The following CYYR1 variants were observed in gnomAD, a reference collection of about 807,000 sequenced individuals.
The protein encoded by CYYR1 is cysteine and tyrosine rich 1.
A neutral mutation model predicts 15.2 loss-of-function variants in CYYR1; 14 were observed. That is an observed-to-expected ratio of 0.92 (90% CI 0.61 to 1.44). The LOEUF (loss-of-function observed/expected upper bound fraction) is 1.44. Ranked by LOEUF, CYYR1 falls within the 40% of genes most tolerant of loss-of-function variation. The pLI is 0.00. For missense variants in CYYR1, 228 were observed against 209.5 expected, an observed-to-expected ratio of 1.09 and a Z score of -0.54; for synonymous variants, 80 against 77.4, an observed-to-expected ratio of 1.03 and a Z score of -0.18.
intron 2 of CYYR1, among the ~76,000 whole-genome samples, chr21:26,482,983 A>AT (rs1569141586): frequency 1.3e-5 from 2 of 151,934 alleles, no homozygotes; most frequent in East Asian, 3.9e-4. Flanking sequence ...TACAATGTTA[A>AT]TTTTTTCTTC....
intron 2 of CYYR1, among the ~76,000 whole-genome samples, chr21:26,549,148 A>ATC (rs1423552004): frequency 6.6e-6 from 1 of 152,176 alleles, no homozygotes; most frequent in Non-Finnish European, 1.5e-5. Context: ...AATCTGAAAA[A>ATC]TAGAGCAGGT....
chr21:26,539,265 A>G (rs748465516), intron 2 of CYYR1, among the ~76,000 whole-genome samples: 10 of 152,168 alleles, frequency 6.6e-5, no homozygotes, highest in Non-Finnish European at 1.2e-4. Context: ...CAGTTCACCC[A>G]TCTCCAACCT....
At chr21:26,469,504 T>G (rs1175813081) in intron 3 of CYYR1, among the ~76,000 whole-genome samples, 1 of 152,212 alleles carries the variant, frequency 6.6e-6, no homozygotes, top group Non-Finnish European at 1.5e-5. Flanking sequence ...TTTTTTGAAT[T>G]GACAAATAAT....
chr21:26,557,029 G>C (rs1274560020), intron 2 of CYYR1, among the ~76,000 whole-genome samples: 1 of 152,112 alleles, frequency 6.6e-6, no homozygotes, highest in Admixed American at 6.6e-5. Flanking sequence ...AACAGGCCAA[G>C]TATGTCTCAT....
intron 2 of CYYR1, among the ~76,000 whole-genome samples, chr21:26,529,558 A>T (rs2065905395): frequency 6.6e-6 from 1 of 152,176 alleles, no homozygotes; most frequent in Non-Finnish European, 1.5e-5. Context: ...ATCCAGCAGC[A>T]CTCATTAGCA....
intron 2 of CYYR1, among the ~76,000 whole-genome samples, chr21:26,521,178 T>C (rs992761483): frequency 1.3e-5 from 2 of 152,202 alleles, no homozygotes; most frequent in African/African-American, 4.8e-5. Flanking sequence ...ATCCTGCACA[T>C]GTATCTTGGA....
intron 3 of CYYR1, among the ~76,000 whole-genome samples, chr21:26,472,691 A>T (rs566612248): frequency 4.6e-5 from 7 of 152,126 alleles, no homozygotes; most frequent in Admixed American, 4.6e-4. Context: ...AGTGCACAAA[A>T]TTATATATCT....
intron 2 of CYYR1, among the ~76,000 whole-genome samples, chr21:26,527,439 G>A (rs1193372389): frequency 6.6e-6 from 1 of 152,074 alleles, no homozygotes; most frequent in Non-Finnish European, 1.5e-5. Flanking sequence ...CTTATTGAGT[G>A]CTGTACAAAC....
intron 2 of CYYR1, among the ~76,000 whole-genome samples, chr21:26,525,023 G>A (rs148654451): frequency 1.5e-4 from 23 of 152,190 alleles, no homozygotes; most frequent in African/African-American, 5.3e-4. Context: ...CATTCCCTCC[G>A]TCATCCCCTT....
chr21:26,499,127 A>G (rs781604968), intron 2 of CYYR1, among the ~76,000 whole-genome samples: 2 of 152,232 alleles, frequency 1.3e-5, no homozygotes, highest in Non-Finnish European at 2.9e-5. Flanking sequence ...AATGGTCTCC[A>G]AAAAGATATG....
At chr21:26,469,837 C>T (rs578077913) in intron 3 of CYYR1, among the ~76,000 whole-genome samples, 19 of 152,224 alleles carry the variant, frequency 1.2e-4, no homozygotes, top group Admixed American at 3.9e-4. Flanking sequence ...TTTATGATGA[C>T]TATACATAAA....
intron 2 of CYYR1, among the ~76,000 whole-genome samples, chr21:26,489,478 C>G (rs1459679583): frequency 1.3e-5 from 2 of 151,902 alleles, no homozygotes; most frequent in Non-Finnish European, 2.9e-5. Flanking sequence ...GAGTCGAATA[C>G]ATATGATTCA....
chr21:26,481,606 C>A (rs2065181687), intron 2 of CYYR1, among the ~76,000 whole-genome samples: 1 of 152,026 alleles, frequency 6.6e-6, no homozygotes, highest in Admixed American at 6.6e-5. Context: ...GTATGTACTA[C>A]ATTTTCTTTA....
At position 26,499,159 on chromosome 21, in the gene CYYR1, C is replaced by T. The variant is rs570040293; in HGVS notation, c.177-18730G>A. 4.6e-4 allele frequency among the ~76,000 whole-genome samples: 70 copies of T among 152,278 alleles called. 1 individual carries two copies. The South Asian group carries it at 0.014, about 30-fold the overall frequency. The stretch of plus-strand genomic sequence containing the variant: ...TATGTCCATGTTCTAATTCCCTGAA[C>T]CATATTTGGAAAGGGTCTTTGCAGG... On this transcript the variant is annotated intron_variant, in intron 2 of 3. Transcript: ENST00000652641.
chr21:26,519,398 G>T (rs145516509), intron 2 of CYYR1, among the ~76,000 whole-genome samples: 4 of 152,154 alleles, frequency 2.6e-5, no homozygotes, highest in Admixed American at 2.6e-4. Flanking sequence ...AGACATCTGG[G>T]TAACAGCATA....
chr21:26,488,326 G>A (rs188816), intron 2 of CYYR1, among the ~76,000 whole-genome samples: 127,061 of 151,466 alleles, frequency 0.84, 54,160 homozygotes, highest in Non-Finnish European at 0.9. Context: ...GAGTGCAGTG[G>A]CTCACTGAAG....
At chr21:26,541,012 T>C (rs914786830) in intron 2 of CYYR1, among the ~76,000 whole-genome samples, 1 of 152,142 alleles carries the variant, frequency 6.6e-6, no homozygotes, top group Non-Finnish European at 1.5e-5. Flanking sequence ...AGGAAATTAA[T>C]TGTATGGGCT....
intron 2 of CYYR1, among the ~76,000 whole-genome samples, chr21:26,487,066 T>A (rs557990040): frequency 6.6e-6 from 1 of 152,210 alleles, no homozygotes; most frequent in East Asian, 1.9e-4. Context: ...ATTTGATATC[T>A]ATATTTGATA....
At chr21:26,503,535 C>T (rs2065511415) in intron 2 of CYYR1, 1 of 152,128 alleles carries the variant, frequency 6.6e-6, no homozygotes, top group Non-Finnish European at 1.5e-5. Context: ...AAATTCTTCC[C>T]TATTCCAAAT....
Sources: allele counts gnomAD v4.1 joint callset (sites outside exome capture counted in the v4.1 genomes callset), GRCh38; gene constraint gnomAD v4.1.1; transcripts MANE v1.5; gene names NCBI Gene and HGNC (gene_info 2026-07-23, HGNC 2026-07-21).